SUPT6H: variants seen among roughly 807,000 people sequenced by gnomAD.
The protein encoded by SUPT6H is transcription elongation factor SPT6.
SUPT6H carries 11 observed loss-of-function variants against 222.3 expected under a neutral mutation model. The observed-to-expected ratio is 0.05, with a 90% CI of 0.03 to 0.08. The LOEUF (loss-of-function observed/expected upper bound fraction) is 0.08. Ranked by LOEUF, SUPT6H falls within the 10% of genes least tolerant of loss-of-function variation. The pLI is 1.00. For missense variants in SUPT6H, 1,422 were observed against 2,216.0 expected (o/e 0.64, Z 7.19); for synonymous variants, 762 against 801.2 (o/e 0.95, Z 0.83).
chr17:28,697,492 GATAAACTGAGGGGACTTTGCT>G, intron 30 of SUPT6H, 107 bp from the exon 31 acceptor site: 1 of 700,748 alleles, frequency 1.4e-6, no homozygotes, highest in Non-Finnish European at 2.5e-6. Context: ...GACACAGATG[GATAAACTGAGGGGACTTTGCT>G]ATGGACTGAG....
In SUPT6H at chr17:28,688,024, A is replaced by C. The variant is rs1171386985; in HGVS notation, c.3007-67A>C. ...AGTTTTTGTTATGAGGGTTTAATAG[A>C]GACTGGAACAGTCTGGGGAGGTGGG... is the stretch of plus-strand genomic sequence containing the variant. On this transcript the variant is annotated intron_variant, in intron 23 of 36. Coordinates refer to ENST00000314616, the MANE Select transcript of SUPT6H (RefSeq NM_003170.5). The surrounding 1 kb of genome is among the most constrained non-coding windows in gnomAD (Gnocchi z 4.3). 8.1e-6 allele frequency: 12 copies of C among 1,474,786 alleles called. No homozygotes were observed. In the East Asian group the frequency reaches 2.9e-4, roughly 36 times the overall value. 91.4% of individuals were successfully genotyped at this position (1,474,786 alleles called of 1,614,324 possible).
intron 1 of SUPT6H, among the ~76,000 whole-genome samples, chr17:28,667,276 C>T (rs2030085079): frequency 7.1e-6 from 1 of 141,256 alleles, no homozygotes; most frequent in African/African-American, 2.6e-5. Flanking sequence ...GAGGTTGAGG[C>T]AGGAGAATGG....
chr17:28,668,809 G>T (rs1042504114), intron 1 of SUPT6H, among the ~76,000 whole-genome samples: 1 of 152,176 alleles, frequency 6.6e-6, no homozygotes, highest in Non-Finnish European at 1.5e-5. Context: ...CTCAGTTCAG[G>T]GCTGAGGGGG....
At chr17:28,674,244 T>C (rs767696005) in intron 2 of SUPT6H, 39 bp from the exon 3 acceptor site, 27 of 1,612,126 alleles carry the variant, frequency 1.7e-5, no homozygotes, top group Non-Finnish European at 2.0e-5. Context: ...CTCTAGCCTG[T>C]TTTTCAGTCT....
In SUPT6H at chr17:28,698,026, C is replaced by T; in HGVS notation, c.4444C>T (p.Pro1482Ser). The T allele has an allele frequency of 6.2e-7, 1 of 1,608,642 alleles. No homozygotes were observed. The highest frequency in any genetic ancestry group is 1.1e-5 in the South Asian group (1 of 91,032). Residue 1482 changes from proline (P) to serine (S), a missense_variant, in exon 32 of 37, where the codon CCC becomes TCC. By Grantham distance (74) the Pro-to-Ser change is moderately conservative. This residue lies in a region of SUPT6H where 395 missense variants were observed against 580.6 expected (regional missense o/e 0.68). Coordinates refer to ENST00000314616, the MANE Select transcript of SUPT6H (RefSeq NM_003170.5). ...ACTGGGATACCAGCCCCGGGGTAAA[C>T]CCAGGTGAGCACTAGTGCTGAGAAG... Reference protein sequence around the residue: ...FLLGYQPRGKPRIEYVTVTPE... With the variant: ...FLLGYQPRGKSRIEYVTVTPE...
At chr17:28,672,748 T>A (rs1382682108) in intron 1 of SUPT6H, 4 of 149,566 alleles carry the variant, frequency 2.7e-5, no homozygotes, top group Non-Finnish European at 4.4e-5. Flanking sequence ...AGTCTCACTC[T>A]CTCGCCAGGC....
Position 28,701,023 on chromosome 17 carries a change from T to A in SUPT6H, c.4889T>A (p.Ile1630Asn). The change falls in exon 36 of 37, where the codon ATC becomes AAC. Residue 1630 changes from isoleucine (I) to asparagine (N), a missense_variant. Ile to Asn is a moderately radical substitution (Grantham distance 149, BLOSUM62 -3). This residue lies in a region of SUPT6H where 395 missense variants were observed against 580.6 expected (regional missense o/e 0.68). Coordinates refer to ENST00000314616, the MANE Select transcript of SUPT6H (RefSeq NM_003170.5). The part of the protein sequence containing the change: ...SYSYTTPSQP[I>N]TTPQYHQLQA... ...TCCTACACGACCCCAAGCCAGCCCA[T>A]CACCACCCCTCAGTACCACCAGCTC... The A allele has an allele frequency of 1.2e-6, 2 of 1,614,030 alleles. No individual in the cohort carries two copies. Among genetic ancestry groups the A allele is most frequent in the Non-Finnish European group, 1.7e-6 (2 of 1,179,996 alleles).
At chr17:28,678,042 A>T in intron 8 of SUPT6H, 34 bp from the exon 9 acceptor site, 1 of 1,583,780 alleles carries the variant, frequency 6.3e-7, no homozygotes, top group Non-Finnish European at 8.7e-7. Flanking sequence ...CCAAGTAAAC[A>T]TTGTCTTGCT....
intron 29 of SUPT6H, among the ~76,000 whole-genome samples, chr17:28,695,902 G>A (rs567895760): frequency 2.0e-5 from 3 of 152,270 alleles, no homozygotes; most frequent in South Asian, 2.1e-4. Flanking sequence ...GGTGGCTCAC[G>A]GCTGTAGCCC....
chr17:28,681,816 A>T, intron 12 of SUPT6H, 66 bp from the exon 13 acceptor site: 1 of 1,426,006 alleles, frequency 7.0e-7, no homozygotes, highest in Non-Finnish European at 9.6e-7. Context: ...CTTCTCTCCT[A>T]ATGTGTCAGA....
chr17:28,695,896 G>C (rs935421700), intron 29 of SUPT6H, among the ~76,000 whole-genome samples: 2 of 152,184 alleles, frequency 1.3e-5, no homozygotes, highest in Non-Finnish European at 2.9e-5. Context: ...AAACAGGGTG[G>C]CTCACGGCTG....
intron 1 of SUPT6H, among the ~76,000 whole-genome samples, chr17:28,666,076 G>A (rs1238875008): frequency 1.3e-5 from 2 of 152,146 alleles, no homozygotes; most frequent in East Asian, 1.9e-4. Flanking sequence ...CACAGTACAC[G>A]TGTTGTGCTA....
At chr17:28,685,050 C>G in intron 19 of SUPT6H, 89 bp downstream of exon 19, 2 of 1,247,520 alleles carry the variant, frequency 1.6e-6, no homozygotes, top group Non-Finnish European at 2.3e-6. Context: ...TAAGCAACAT[C>G]CTATGCAAGA....
rs748265265 is a variant in SUPT6H at position 28,674,507 on chromosome 17, A to G, written c.269-30A>G. The G allele has an allele frequency of 4.0e-5, 65 of 1,614,110 alleles. No individual in the cohort carries two copies. In the East Asian group the frequency reaches 1.4e-3, roughly 35 times the overall value. On this transcript the variant is annotated intron_variant, in intron 3 of 36. Transcript: ENST00000314616. ...GGTTGCAGTGGAAAAGGGCAACCCC[A>G]TCACCATGGGCAACACTTTGTTTCT...
rs573017927 is a variant in SUPT6H at position 28,690,798 on chromosome 17, C to T, written c.3491-123C>T. 12 of 1,113,686 alleles carry T rather than the reference C, an allele frequency of 1.1e-5. No individual in the cohort carries two copies. The South Asian group carries it at 1.6e-4, about 15-fold the overall frequency. The allele number at this position is 1,113,686 out of a possible 1,614,324, so 69.0% of individuals were successfully genotyped here. A position where few individuals can be genotyped will look rare whatever the true frequency, so the allele number is the denominator to read the frequency against. On this transcript the variant is annotated intron_variant, in intron 26 of 36. Coordinates refer to ENST00000314616, the MANE Select transcript of SUPT6H (RefSeq NM_003170.5). ...CAAAAATAAATAAATAAATAAAAAT[C>T]GGGAAGAGTTCCCTCTTCAAGGATG... is the stretch of plus-strand genomic sequence containing the variant.
At chr17:28,664,873 C>T (rs1428302744) in intron 1 of SUPT6H, among the ~76,000 whole-genome samples, 1 of 152,172 alleles carries the variant, frequency 6.6e-6, no homozygotes, top group Non-Finnish European at 1.5e-5. Flanking sequence ...ACTCCTCTTC[C>T]CCAGTCTTTC....
chr17:28,700,811 C>A, intron 35 of SUPT6H, 130 bp from the exon 36 acceptor site: 1 of 1,189,254 alleles, frequency 8.4e-7, no homozygotes. Context: ...CACTGCTGGT[C>A]AGAAGCACAT....
At chr17:28,675,264 A>G (rs2030674726) in intron 5 of SUPT6H, 102 bp downstream of exon 5, 2 of 1,488,428 alleles carry the variant, frequency 1.3e-6, no homozygotes, top group South Asian at 1.3e-5. Context: ...ATCCCCCAGC[A>G]TTTGACACAA....
chr17:28,686,766 T>C lies in SUPT6H; in HGVS notation c.2677T>C (p.Tyr893His). 6.2e-7 allele frequency: 1 copy of C among 1,609,632 alleles called. No homozygotes were observed. Among genetic ancestry groups the C allele is most frequent in the Non-Finnish European group, 8.5e-7 (1 of 1,178,398 alleles). Residue 893 changes from tyrosine to histidine, a missense_variant, in exon 21 of 37, where the codon TAT (tyrosine) becomes CAT (histidine). Transcript: ENST00000314616. ...ELVDNELAILYMNSKKSEAEF... is the reference protein window; with the variant it reads ...ELVDNELAILHMNSKKSEAEF... ...GGTTGACAACGAGTTGGCCATTCTC[T>C]ATATGAACAGCAAGAAGTCAGAGGT...
Sources: allele counts gnomAD v4.1 joint callset (sites outside exome capture counted in the v4.1 genomes callset), GRCh38; gene constraint gnomAD v4.1.1; regional missense constraint gnomAD v4.1.1; non-coding constraint Gnocchi (gnomAD v3.1); transcripts MANE v1.5; gene names NCBI Gene and HGNC (gene_info 2026-07-23, HGNC 2026-07-21).